UBA6: variants seen among roughly 807,000 people sequenced by gnomAD.
UBA6 encodes the protein ubiquitin like modifier activating enzyme 6.
Under a neutral mutation model 148.3 loss-of-function variants are expected in UBA6, and 87 were observed. That is an observed-to-expected ratio of 0.59 (90% CI 0.49 to 0.70). The LOEUF (loss-of-function observed/expected upper bound fraction) is 0.70, where lower values mean the gene tolerates loss of function less well. Ranked by LOEUF, UBA6 falls within the 30% of genes least tolerant of loss-of-function variation. UBA6 has a pLI of 0.00. For synonymous variants in UBA6, 376 were observed against 401.0 expected (o/e 0.94, Z 0.75); for missense variants, 1,186 against 1,241.2 (o/e 0.96, Z 0.67).
In UBA6 at chr4:67,636,646, G is replaced by A. The variant is rs188563944; in HGVS notation, c.1737-1088C>T. Among the ~76,000 whole-genome samples, 41 of 152,336 alleles carry A rather than the reference G, an allele frequency of 2.7e-4. No individual in the cohort carries two copies. In the East Asian group the frequency reaches 7.3e-3, roughly 27 times the overall value. ...TAACAGTGAGTGATCTGCCAGCCTC[G>A]GCCTCCCGAAGTGCTGGGATTGCAG... On this transcript the variant is annotated intron_variant, in intron 19 of 32. Coordinates refer to ENST00000322244, the MANE Select transcript of UBA6 (RefSeq NM_018227.6).
At chr4:67,643,170 T>A (rs940009056) in intron 17 of UBA6, among the ~76,000 whole-genome samples, 1 of 151,832 alleles carries the variant, frequency 6.6e-6, no homozygotes, top group Admixed American at 6.6e-5. Flanking sequence ...ACCTGCACAT[T>A]GTGCACATGT....
At chr4:67,634,735 CTTAT>C (rs569852583) in intron 20 of UBA6, among the ~76,000 whole-genome samples, 102 of 152,174 alleles carry the variant, frequency 6.7e-4, no homozygotes, top group African/African-American at 2.1e-3. Flanking sequence ...AAACATGAAT[CTTAT>C]TTATTATTTG....
intron 32 of UBA6, among the ~76,000 whole-genome samples, chr4:67,622,116 T>C (rs922287403): frequency 6.6e-6 from 1 of 152,180 alleles, no homozygotes; most frequent in Non-Finnish European, 1.5e-5. Flanking sequence ...AGCTGGAATA[T>C]TGTGAAGGGA....
Position 67,649,837 on chromosome 4 carries a change from G to C in UBA6, c.1105-626C>G, listed in dbSNP as rs879363571. Among the ~76,000 whole-genome samples, 5 of 152,010 alleles carry C rather than the reference G, an allele frequency of 3.3e-5. 1 individual carries two copies. The highest frequency in any genetic ancestry group is 7.4e-5 in the Non-Finnish European group (5 of 67,966). On this transcript the variant is annotated intron_variant, in intron 13 of 32. Coordinates refer to ENST00000322244, the MANE Select transcript of UBA6 (RefSeq NM_018227.6). Reference sequence around the variant, plus strand: ...TTATATGTGACAAAGATCTTTTCACGAGCCCTGTTTTCTTTCTCTTCTTAT... The same window carrying C: ...TTATATGTGACAAAGATCTTTTCACCAGCCCTGTTTTCTTTCTCTTCTTAT...
intron 13 of UBA6, among the ~76,000 whole-genome samples, chr4:67,653,740 A>G (rs1315800689): frequency 3.9e-5 from 6 of 152,212 alleles, no homozygotes; most frequent in Non-Finnish European, 1.5e-5. Context: ...AACTTCTCCG[A>G]GCTAAAGGAG....
At chr4:67,644,868 A>C in intron 16 of UBA6, 90 bp from the exon 17 acceptor site, 1 of 609,974 alleles carries the variant, frequency 1.6e-6, no homozygotes, top group East Asian at 2.8e-5. Flanking sequence ...TTATTTTACC[A>C]CTGTTTCAAC....
Position 67,663,909 on chromosome 4 carries a change from A to G in UBA6, c.936T>C (p.Leu312=). ...CCTCAGGGTTGCTAAAATCCACAATAAGGCACTTTGGATGTTTTAACTGCC... is the reference window on the plus strand; with the variant it reads ...CCTCAGGGTTGCTAAAATCCACAATGAGGCACTTTGGATGTTTTAACTGCC... The part of the protein sequence containing the change: ...LERQLKHPKC[L]IVDFSNPEAP... The change falls in exon 11 of 33, where the codon CTT becomes CTC. Residue 312 remains leucine, a synonymous_variant. Transcript: ENST00000322244. 4 of 1,613,518 alleles carry G rather than the reference A, an allele frequency of 2.5e-6. No individual in the cohort carries two copies. Among genetic ancestry groups the G allele is most frequent in the Non-Finnish European group, 3.4e-6 (4 of 1,179,692 alleles).
chr4:67,691,868 AT>A (rs1003307616), intron 2 of UBA6, among the ~76,000 whole-genome samples: 5 of 152,118 alleles, frequency 3.3e-5, no homozygotes, highest in African/African-American at 1.2e-4. Flanking sequence ...TTTGTGAAAG[AT>A]TTTTTTATCT....
rs1234403519 is a variant in UBA6 at position 67,663,127 on chromosome 4, T to C, written c.1037+12A>G. 3 of 1,593,222 alleles carry C rather than the reference T, an allele frequency of 1.9e-6. No homozygotes were observed. The highest frequency in any genetic ancestry group is 2.6e-6 in the Non-Finnish European group (3 of 1,170,814). ...AAAAGGAAAATACTTATTTTTAAAC[T>C]TAAAACATTACCCAACATTTGGCTT... On this transcript the variant is annotated intron_variant, in intron 12 of 32. Coordinates refer to ENST00000322244, the MANE Select transcript of UBA6 (RefSeq NM_018227.6).
chr4:67,643,764 T>C (rs948670136), intron 17 of UBA6, among the ~76,000 whole-genome samples: 3 of 152,068 alleles, frequency 2.0e-5, no homozygotes, highest in Admixed American at 2.0e-4. Context: ...TAACTTATCT[T>C]GTTTTGTTAT....
At chr4:67,634,204 A>G in intron 22 of UBA6, 38 bp downstream of exon 22, 1 of 1,383,268 alleles carries the variant, frequency 7.2e-7, no homozygotes, top group Non-Finnish European at 9.9e-7. Context: ...ACACTGACAC[A>G]AAGTGTTAAG....
chr4:67,673,501 T>C (rs983615124), intron 7 of UBA6, among the ~76,000 whole-genome samples, 196 bp downstream of exon 7: 2 of 152,074 alleles, frequency 1.3e-5, no homozygotes, highest in Admixed American at 6.5e-5. Flanking sequence ...TTCCTTAGTT[T>C]TGGCAATCTG....
intron 2 of UBA6, among the ~76,000 whole-genome samples, chr4:67,684,592 T>C (rs1191049916): frequency 6.6e-6 from 1 of 152,226 alleles, no homozygotes; most frequent in African/African-American, 2.4e-5. Flanking sequence ...AATTTTACAG[T>C]TGCATGTGTT....
chr4:67,620,122 T>G (rs1470012619), intron 32 of UBA6, among the ~76,000 whole-genome samples: 1 of 151,932 alleles, frequency 6.6e-6, no homozygotes, highest in African/African-American at 2.4e-5. Flanking sequence ...GATCATCACC[T>G]CATACTTGAG....
rs147788929 is a variant in UBA6, at chr4:67,633,767, A to G, written c.2014-294T>C. ...TAGTACTATAATATATGTACTCACT[A>G]TAAGTGCTATGAATATTTGATACTA... On this transcript the variant is annotated intron_variant, in intron 22 of 32. Transcript: ENST00000322244. Among the ~76,000 whole-genome samples, 92 of 152,226 alleles carry G rather than the reference A, an allele frequency of 6.0e-4. 1 individual carries two copies. The highest frequency in any genetic ancestry group is 1.9e-3 in the African/African-American group (81 of 41,554).
intron 13 of UBA6, among the ~76,000 whole-genome samples, chr4:67,661,207 G>C (rs1729846805): frequency 6.6e-6 from 1 of 152,140 alleles, no homozygotes; most frequent in Non-Finnish European, 1.5e-5. Flanking sequence ...CTGTTGGAAA[G>C]GTGTGACTGT....
At chr4:67,682,343 G>GAA in intron 2 of UBA6, 130 bp from the exon 3 acceptor site, 1 of 642,404 alleles carries the variant, frequency 1.6e-6, no homozygotes, top group African/African-American at 1.8e-5. Flanking sequence ...GATTTGCACA[G>GAA]TGTTTAAACA....
chr4:67,680,974 CCCCAGT>C (rs951127727), intron 4 of UBA6, among the ~76,000 whole-genome samples: 65 of 152,108 alleles, frequency 4.3e-4, no homozygotes, highest in African/African-American at 1.5e-3. Context: ...GCAGATCCTT[CCCCAGT>C]CTAGCCTCAA....
rs1046636593 is a variant in UBA6, at chr4:67,616,064, T to C, written c.*2933A>G. On this transcript the variant is annotated 3_prime_UTR_variant, in exon 33 of 33. Coordinates refer to ENST00000322244, the MANE Select transcript of UBA6 (RefSeq NM_018227.6). Reference sequence around the variant, plus strand: ...TATATATGTGTTTTTGAAAAATATATATTTCTCAATAAAAAAACAAAGTTA... The same window carrying C: ...TATATATGTGTTTTTGAAAAATATACATTTCTCAATAAAAAAACAAAGTTA... The C allele has an allele frequency of 1.8e-5, 7 of 393,150 alleles. No individual in the cohort carries two copies. Among genetic ancestry groups the C allele is most frequent in the Non-Finnish European group, 3.1e-5 (7 of 222,512 alleles). The allele number at this position is 393,150 out of a possible 1,614,324, so 24.4% of individuals were successfully genotyped here. A position where few individuals can be genotyped will look rare whatever the true frequency, so the allele number is the denominator to read the frequency against.
Sources: gnomAD v4.1 joint callset for allele counts (sites outside exome capture counted in the v4.1 genomes callset) on GRCh38, gnomAD v4.1.1 for gene constraint, MANE v1.5 for transcripts, NCBI Gene and HGNC (gene_info 2026-07-23, HGNC 2026-07-21) for gene names.